The following RPL9 variants were observed in gnomAD, a reference collection of about 807,000 sequenced individuals.
RPL9 encodes ribosomal protein L9.
For synonymous variants in RPL9, 82 were observed against 77.1 expected (o/e 1.06, Z -0.33); for missense variants, 149 against 236.7 (o/e 0.63, Z 2.43).
intron 5 of RPL9, 76 bp downstream of exon 5, chr4:39,456,329 TG>T: frequency 6.7e-7 from 1 of 1,501,410 alleles, no homozygotes; most frequent in Non-Finnish European, 9.3e-7. Context: ...AACTAAAGTA[TG>T]GAAGTTGGGA....
At chr4:39,455,401 C>A (rs575546900) in intron 5 of RPL9, 1 of 154,770 alleles carries the variant, frequency 6.5e-6, no homozygotes, top group Non-Finnish European at 1.4e-5. Flanking sequence ...CCCCTCCCCA[C>A]CCCAATGGAA....
chr4:39,458,293 C>T lies in RPL9; in HGVS notation c.63G>A (p.Lys21=), dbSNP rs961908994. Residue 21 remains lysine (K), a synonymous_variant, in exon 3 of 8, where the codon AAG becomes AAA. Coordinates refer to ENST00000295955, the MANE Select transcript of RPL9 (RefSeq NM_000661.5). ...GGCCCTTCACGATAACTGTGCGTCC[C>T]TTCAGAGTAATGTCGACTAGAAGAG... The part of the protein sequence containing the change: ...DIPENVDITL[K]GRTVIVKGPR... 6 of 1,614,024 alleles carry T rather than the reference C, an allele frequency of 3.7e-6. No individual in the cohort carries two copies. The highest frequency in any genetic ancestry group is 5.1e-6 in the Non-Finnish European group (6 of 1,180,036).
chr4:39,457,741 C>T (rs1203462828), intron 3 of RPL9, 60 bp from the exon 4 acceptor site: 2 of 1,326,638 alleles, frequency 1.5e-6, no homozygotes, highest in Non-Finnish European at 2.2e-6. Context: ...AGACAACAGA[C>T]CACTTACCGA....
intron 2 of RPL9, 41 bp from the exon 3 acceptor site, chr4:39,458,350 G>C (rs769765144): frequency 1.2e-6 from 2 of 1,613,832 alleles, no homozygotes; most frequent in Non-Finnish European, 1.7e-6. Context: ...ACAACGCTTG[G>C]AACGTGCAGT....
In RPL9 at chr4:39,454,548, C is replaced by T; in HGVS notation, c.574G>A (p.Glu192Lys). The change falls in exon 7 of 8, where the codon GAA becomes AAA. Residue 192 changes from glutamate to lysine, a missense_variant. Transcript: ENST00000295955. Reference sequence around the variant, plus strand: ...AAGAACTTACCTCTTAGATCTTATTCATCAGCCTGCTGAACAGTTCCTTTT... The same window carrying T: ...AAGAACTTACCTCTTAGATCTTATTTATCAGCCTGCTGAACAGTTCCTTTT... Reference protein sequence around the residue: ...SEKGTVQQADE With the variant: ...SEKGTVQQADK The T allele has an allele frequency of 6.2e-7, 1 of 1,608,722 alleles. No homozygotes were observed. The highest frequency in any genetic ancestry group is 8.5e-7 in the Non-Finnish European group (1 of 1,177,308).
At position 39,454,579 on chromosome 4, in the gene RPL9, G is replaced by T; in HGVS notation, c.543C>A (p.Val181=). The T allele has an allele frequency of 6.2e-7, 1 of 1,612,802 alleles. No individual in the cohort carries two copies. Among genetic ancestry groups the T allele is most frequent in the Non-Finnish European group, 8.5e-7 (1 of 1,179,594 alleles). The change falls in exon 7 of 8, where the codon GTC becomes GTA. Residue 181 remains valine, a synonymous_variant. Coordinates refer to ENST00000295955, the MANE Select transcript of RPL9 (RefSeq NM_000661.5). The part of the protein sequence containing the change: ...DIRKFLDGIY[V]SEKGTVQQAD... ...CCTGCTGAACAGTTCCTTTTTCAGA[G>T]ACATAGATACCATCCAAAAATTTCC...
rs767107544 is a variant in RPL9, at chr4:39,454,521, G to C, written c.*10+12C>G. ...GAGCAGTAATAAAACTTAAGACACTGTAAGAACTTACCTCTTAGATCTTAT... is the reference window on the plus strand; with the variant it reads ...GAGCAGTAATAAAACTTAAGACACTCTAAGAACTTACCTCTTAGATCTTAT... On this transcript the variant is annotated intron_variant, in intron 7 of 7. Transcript: ENST00000295955. The C allele has an allele frequency of 1.8e-5, 29 of 1,582,568 alleles. 1 individual carries two copies. The highest frequency in any genetic ancestry group is 8.6e-5 in the Admixed American group (5 of 58,026).
At position 39,458,874 on chromosome 4, in the gene RPL9, C is replaced by T. The variant is rs1192261326; in HGVS notation, c.-2+17G>A. On this transcript the variant is annotated intron_variant, in intron 1 of 7. Transcript: ENST00000295955. ...TTCAGATTCCCAGTACCCCCACGAGCACAGAAACATCCTTACCTCGCAGTA... is the reference window on the plus strand; with the variant it reads ...TTCAGATTCCCAGTACCCCCACGAGTACAGAAACATCCTTACCTCGCAGTA... 1 of 699,864 alleles carries T rather than the reference C, an allele frequency of 1.4e-6. No homozygotes were observed. The highest frequency in any genetic ancestry group is 2.0e-5 in the Admixed American group (1 of 49,886). The allele number at this position is 699,864 out of a possible 1,614,324, so 43.4% of individuals were successfully genotyped here.
Position 39,457,909 on chromosome 4 carries a change from G to A in RPL9, c.163-228C>T, listed in dbSNP as rs1458644898. On this transcript the variant is annotated intron_variant, in intron 3 of 7. Transcript: ENST00000295955. Reference sequence around the variant, plus strand: ...AATCATCAGGTTTAAATGACCTACTGCCGGTTCCTGTGATTTTTACAAAGC... The same window carrying A: ...AATCATCAGGTTTAAATGACCTACTACCGGTTCCTGTGATTTTTACAAAGC... 6.4e-6 allele frequency: 4 copies of A among 622,960 alleles called. No individual in the cohort carries two copies. The African/African-American group carries it at 7.4e-5, about 11-fold the overall frequency. 38.6% of individuals were successfully genotyped at this position (622,960 alleles called of 1,614,324 possible). A position where few individuals can be genotyped will look rare whatever the true frequency, so the allele number is the denominator to read the frequency against.
chr4:39,454,496 G>A (rs370969641), intron 7 of RPL9, 37 bp downstream of exon 7: 1 of 1,434,250 alleles, frequency 7.0e-7, no homozygotes, highest in South Asian at 1.2e-5. Flanking sequence ...CATTCAACTA[G>A]AGCAGTAATA....
chr4:39,458,364 G>T, intron 2 of RPL9, 30 bp downstream of exon 2: 1 of 1,613,962 alleles, frequency 6.2e-7, no homozygotes, highest in Non-Finnish European at 8.5e-7. Flanking sequence ...GTGCAGTAAA[G>T]ATGTAAGTAA....
intron 1 of RPL9, 22 bp downstream of exon 1, chr4:39,458,869 A>G (rs1212144061): frequency 2.9e-6 from 2 of 698,748 alleles, no homozygotes; most frequent in Non-Finnish European, 5.2e-6. Context: ...CAGTACCCCC[A>G]CGAGCACAGA....
At chr4:39,454,473 AAATT>A in intron 7 of RPL9, 56 bp downstream of exon 7, 1 of 1,254,318 alleles carries the variant, frequency 8.0e-7, no homozygotes, top group Middle Eastern at 2.8e-4. Flanking sequence ...GTCTTTTAGT[AAATT>A]AAGAGCTTCA....
intron 5 of RPL9, 72 bp downstream of exon 5, chr4:39,456,334 G>A (rs117602443): frequency 6.5e-7 from 1 of 1,539,794 alleles, no homozygotes; most frequent in Non-Finnish European, 9.0e-7. Flanking sequence ...AAGTATGGAA[G>A]TTGGGAGTGG....
intron 5 of RPL9, 178 bp downstream of exon 5, chr4:39,456,228 A>G: frequency 1.5e-6 from 1 of 672,078 alleles, no homozygotes; most frequent in Non-Finnish European, 2.6e-6. Flanking sequence ...AATGATATAA[A>G]CCCTTAAGTA....
intron 5 of RPL9, chr4:39,455,973 T>G (rs1346801289): frequency 4.4e-6 from 1 of 227,356 alleles, no homozygotes; most frequent in Non-Finnish European, 8.8e-6. Context: ...AGTTTTCTCT[T>G]TAGATTTTAA....
chr4:39,456,272 T>C (rs1298780971), intron 5 of RPL9, 134 bp downstream of exon 5: 1 of 938,178 alleles, frequency 1.1e-6, no homozygotes, highest in Non-Finnish European at 1.7e-6. Context: ...AAGAGATAAT[T>C]CTAAAACAAA....
intron 4 of RPL9, 39 bp downstream of exon 4, chr4:39,457,547 T>C (rs1169233197): frequency 2.0e-6 from 3 of 1,516,170 alleles, no homozygotes; most frequent in African/African-American, 2.7e-5. Context: ...TTGAGAAACC[T>C]CCCTTTCCAA....
intron 7 of RPL9, 107 bp downstream of exon 7, chr4:39,454,426 T>G (rs983878379): frequency 5.9e-6 from 5 of 841,684 alleles, no homozygotes; most frequent in Admixed American, 6.0e-5. Context: ...CCAGAATGCT[T>G]AACTCTCCAT....
Sources: gnomAD v4.1 joint callset for allele counts on GRCh38, gnomAD v4.1.1 for gene constraint, MANE v1.5 for transcripts, NCBI Gene and HGNC (gene_info 2026-07-23, HGNC 2026-07-21) for gene names.